The following TMEM63C variants were observed in gnomAD, a reference collection of about 807,000 sequenced individuals.
TMEM63C encodes osmosensitive cation channel TMEM63C.
TMEM63C carries 32 observed loss-of-function variants against 99.2 expected under a neutral mutation model. The observed-to-expected ratio is 0.32, with a 90% CI of 0.24 to 0.43. The LOEUF is 0.43. TMEM63C is among the 20% of genes least tolerant of loss of function. The pLI is 1.00. For synonymous variants in TMEM63C, 376 were observed against 397.9 expected (o/e 0.94, Z 0.66); for missense variants, 826 against 1,053.0 (o/e 0.78, Z 2.98).
intron 1 of TMEM63C, among the ~76,000 whole-genome samples, chr14:77,207,370 T>C (rs1888419354): frequency 6.6e-6 from 1 of 152,228 alleles, no homozygotes; most frequent in South Asian, 2.1e-4. Context: ...CTGAAATTCC[T>C]CATTCATAAG....
chr14:77,222,452 C>A (rs1447595304), intron 5 of TMEM63C, among the ~76,000 whole-genome samples: 9 of 152,202 alleles, frequency 5.9e-5, no homozygotes, highest in African/African-American at 2.2e-4. Flanking sequence ...GCTCTAGGGC[C>A]CTTATCCATT....
intron 2 of TMEM63C, among the ~76,000 whole-genome samples, chr14:77,214,829 A>G (rs1218217117): frequency 6.6e-6 from 1 of 151,786 alleles, no homozygotes; most frequent in Non-Finnish European, 1.5e-5. Context: ...AGCACCAAAC[A>G]TCCCACTTTC....
intron 1 of TMEM63C, chr14:77,196,066 T>C (rs7154521): frequency 0.3 from 45,689 of 152,706 alleles, 7,046 homozygotes; most frequent in Admixed American, 0.4. Flanking sequence ...GTCCCTGTGC[T>C]ATAGAGCCTT....
At chr14:77,233,038 G>A (rs796469389) in intron 7 of TMEM63C, among the ~76,000 whole-genome samples, 7 of 152,298 alleles carry the variant, frequency 4.6e-5, no homozygotes, top group South Asian at 2.1e-4. Context: ...TGTCTGAACC[G>A]TCAAACTAAT....
chr14:77,219,634 T>C (rs1888653856), intron 4 of TMEM63C, 57 bp downstream of exon 4: 4 of 1,574,802 alleles, frequency 2.5e-6, no homozygotes, highest in Admixed American at 3.3e-5. Context: ...CCTGTTGCCA[T>C]GGCCAGGACG....
At chr14:77,198,135 T>C (rs1480286602) in intron 1 of TMEM63C, among the ~76,000 whole-genome samples, 1 of 152,234 alleles carries the variant, frequency 6.6e-6, no homozygotes, top group African/African-American at 2.4e-5. Flanking sequence ...AGTTATAATG[T>C]GTACTCTGAT....
rs753694690 is a variant in TMEM63C at position 77,220,053 on chromosome 14, C to T, written c.278C>T (p.Ser93Leu). The T allele has an allele frequency of 3.8e-6, 6 of 1,560,960 alleles. No individual in the cohort carries two copies. The highest frequency in any genetic ancestry group is 4.3e-6 in the Non-Finnish European group (5 of 1,152,508). Reference sequence around the variant, plus strand: ...GAGCAGAGCGAGAAGACATCTCCCTCGGAGACTTCCTTGGAGATGGAACGC... The same window carrying T: ...GAGCAGAGCGAGAAGACATCTCCCTTGGAGACTTCCTTGGAGATGGAACGC... Reference protein sequence around the residue: ...YGEQSEKTSPSETSLEMERRD... With the variant: ...YGEQSEKTSPLETSLEMERRD... Residue 93 changes from serine to leucine, a missense_variant, in exon 5 of 24, where the codon TCG becomes TTG. Coordinates refer to ENST00000298351, the MANE Select transcript of TMEM63C (RefSeq NM_020431.4).
At chr14:77,253,182 GAC>G in intron 22 of TMEM63C, 121 bp from the exon 23 acceptor site, 1 of 849,440 alleles carries the variant, frequency 1.2e-6, no homozygotes, top group East Asian at 2.7e-5. Flanking sequence ...GGTCTGGAAA[GAC>G]AGAAGATGAG....
chr14:77,206,146 A>T (rs1361292570), intron 1 of TMEM63C, among the ~76,000 whole-genome samples: 1 of 150,834 alleles, frequency 6.6e-6, no homozygotes, highest in African/African-American at 2.4e-5. Context: ...TCTTCCCTAT[A>T]GGAGTCTAGG....
intron 1 of TMEM63C, among the ~76,000 whole-genome samples, chr14:77,183,629 A>G (rs1301914847): frequency 2.0e-5 from 3 of 152,300 alleles, no homozygotes; most frequent in South Asian, 4.2e-4. Context: ...GGTTTGGGCC[A>G]GCACCGGTTT....
intron 5 of TMEM63C, among the ~76,000 whole-genome samples, chr14:77,220,793 C>T (rs944346216): frequency 2.0e-5 from 3 of 151,586 alleles, no homozygotes; most frequent in Non-Finnish European, 4.4e-5. Context: ...CGTCCTCCCT[C>T]CCCACCCCCA....
At chr14:77,187,452 G>A (rs541876525) in intron 1 of TMEM63C, among the ~76,000 whole-genome samples, 5 of 152,328 alleles carry the variant, frequency 3.3e-5, no homozygotes, top group East Asian at 1.9e-4. Context: ...ACCAGGTTCC[G>A]AGGGGCTGAG....
chr14:77,256,520 A>T lies in TMEM63C; in HGVS notation c.2221-6A>T, dbSNP rs1459784572. 1 of 1,613,732 alleles carries T rather than the reference A, an allele frequency of 6.2e-7. No individual in the cohort carries two copies. The highest frequency in any genetic ancestry group is 8.5e-7 in the Non-Finnish European group (1 of 1,179,848). On this transcript the variant is annotated splice_region_variant and splice_polypyrimidine_tract_variant and intron_variant, in intron 23 of 23. Transcript: ENST00000298351. ...TGCTCCTGTCCCCTGTCTCTATCCC[A>T]AGCAGCTGTATGTGGCCACCGTGCT...
chr14:77,207,886 C>A (rs1196804830), intron 1 of TMEM63C, among the ~76,000 whole-genome samples: 1 of 152,186 alleles, frequency 6.6e-6, no homozygotes, highest in Admixed American at 6.5e-5. Flanking sequence ...GTACTTCTGT[C>A]TTGAGCCTAG....
At position 77,256,611 on chromosome 14, in the gene TMEM63C, A is replaced by G. The variant is rs769474866; in HGVS notation, c.2306A>G (p.Asn769Ser). 1.9e-6 allele frequency: 3 copies of G among 1,613,880 alleles called. No homozygotes were observed. Among genetic ancestry groups the G allele is most frequent in the Non-Finnish European group, 2.5e-6 (3 of 1,179,894 alleles). The change falls in exon 24 of 24, where the codon AAC becomes AGC. Residue 769 changes from asparagine to serine, a missense_variant. Asn to Ser is a conservative substitution (Grantham distance 46, BLOSUM62 1). Coordinates refer to ENST00000298351, the MANE Select transcript of TMEM63C (RefSeq NM_020431.4). Reference protein sequence around the residue: ...SPARHTYGTMNNQPEEGEEES... With the variant: ...SPARHTYGTMSNQPEEGEEES... ...GCCAGGCACACCTATGGCACCATGA[A>G]CAACCAGCCGGAAGAGGGAGAAGAA...
intron 1 of TMEM63C, among the ~76,000 whole-genome samples, chr14:77,202,096 G>C (rs1364853233): frequency 6.6e-6 from 1 of 152,256 alleles, no homozygotes; most frequent in Non-Finnish European, 1.5e-5. Flanking sequence ...AACTAAGGGA[G>C]ACCCTGGAGA....
At chr14:77,253,860 G>A (rs1889416743) in intron 23 of TMEM63C, among the ~76,000 whole-genome samples, 2 of 150,686 alleles carry the variant, frequency 1.3e-5, no homozygotes, top group Admixed American at 1.3e-4. Flanking sequence ...AGAGTGCAGA[G>A]TGCAGGGCCT....
At chr14:77,252,352 A>G (rs1889383159) in intron 22 of TMEM63C, among the ~76,000 whole-genome samples, 1 of 152,164 alleles carries the variant, frequency 6.6e-6, no homozygotes, top group Non-Finnish European at 1.5e-5. Context: ...TGAGGTGGCC[A>G]TGTTTGGAGG....
intron 2 of TMEM63C, among the ~76,000 whole-genome samples, 164 bp from the exon 3 acceptor site, chr14:77,218,637 G>T (rs544992394): frequency 6.6e-6 from 1 of 152,380 alleles, no homozygotes; most frequent in Admixed American, 6.5e-5. Context: ...TTGCAGGACA[G>T]GGCTGTGTGC....
Sources: gnomAD v4.1 joint callset for allele counts (sites outside exome capture counted in the v4.1 genomes callset) on GRCh38, gnomAD v4.1.1 for gene constraint, MANE v1.5 for transcripts, NCBI Gene and HGNC (gene_info 2026-07-23, HGNC 2026-07-21) for gene names.